MUC5AC: variants seen among roughly 807,000 people sequenced by gnomAD.
MUC5AC encodes the protein mucin-5AC.
Under a neutral mutation model 169.7 loss-of-function variants are expected in MUC5AC, and 158 were observed. The ratio of observed to expected loss-of-function variants is 0.93; its 90% CI spans 0.82 to 1.06. The LOEUF (loss-of-function observed/expected upper bound fraction) is 1.06. Ranked by LOEUF, MUC5AC falls within the 50% of genes least tolerant of loss-of-function variation. The pLI, the probability that MUC5AC is intolerant of heterozygous loss-of-function variation, is 0.00. For missense variants in MUC5AC, 4,359 were observed against 3,089.9 expected, an observed-to-expected ratio of 1.41 and a Z score of -9.74; for synonymous variants, 1,975 against 1,237.0, an observed-to-expected ratio of 1.60 and a Z score of -12.52.
chr11:1,161,953 C>G lies in MUC5AC; in HGVS notation c.258C>G (p.Ser86Arg). ...HNGRVCSTWG[S>R]FHYKTFDGDV... ...GGCGGGTGTGCAGCACCTGGGGCAG[C>G]TTCCACTACAAGACCTTCGACGGCG... The change falls in exon 4 of 49, where the codon AGC (serine) becomes AGG (arginine). Residue 86 changes from serine (S) to arginine (R), a missense_variant. Coordinates refer to ENST00000621226, the MANE Select transcript of MUC5AC (RefSeq NM_001304359.2). 6.2e-7 allele frequency: 1 copy of G among 1,612,240 alleles called. No homozygotes were observed. Among genetic ancestry groups the G allele is most frequent in the Non-Finnish European group, 8.5e-7 (1 of 1,179,698 alleles).
At chr11:1,195,446 G>A (rs1412627571) in intron 36 of MUC5AC, among the ~76,000 whole-genome samples, 167 bp downstream of exon 36, 1 of 151,762 alleles carries the variant, frequency 6.6e-6, no homozygotes, top group Non-Finnish European at 1.5e-5. Flanking sequence ...AGTGGGTGCC[G>A]GGGAGGGGTG....
rs1165171410 is a variant in MUC5AC, at chr11:1,191,280, C to T, written c.13135C>T (p.Pro4379Ser). ...TTSGPGTTPS[P>S]VPTTSTTSAP... ...CTCTGGTCCTGGAACTACTCCCAGC[C>T]CTGTTCCCACCACCAGCACAACCTC... The change falls in exon 31 of 49, where the codon CCT becomes TCT. Residue 4379 changes from proline to serine, a missense_variant. Coordinates refer to ENST00000621226, the MANE Select transcript of MUC5AC (RefSeq NM_001304359.2). The T allele has an allele frequency of 2.7e-5, 20 of 742,544 alleles. No homozygotes were observed. The highest frequency in any genetic ancestry group is 4.4e-5 in the Non-Finnish European group (18 of 408,432). 46.0% of individuals were successfully genotyped at this position (742,544 alleles called of 1,614,324 possible). A position where few individuals can be genotyped will look rare whatever the true frequency, so the allele number is the denominator to read the frequency against.
Position 1,182,287 on chromosome 11 carries a change from C to T in MUC5AC, c.4142C>T (p.Pro1381Leu), listed in dbSNP as rs995968645. The change falls in exon 31 of 49, where the codon CCG (proline) becomes CTG (leucine). Residue 1381 changes from proline to leucine, a missense_variant. Transcript: ENST00000621226. ...RLPTASASLP[P>L]VCGEKCLWSP... ...CCCACAGCCTCTGCCTCACTGCCGC[C>T]GGTCTGTGGGGAAAAGTGCCTGTGG... 196 of 398,552 alleles carry T rather than the reference C, an allele frequency of 4.9e-4. 1 individual carries two copies. The highest frequency in any genetic ancestry group is 3.5e-3 in the African/African-American group (171 of 48,760). The allele number at this position is 398,552 out of a possible 1,614,324, so 24.7% of individuals were successfully genotyped here. A position where few individuals can be genotyped will look rare whatever the true frequency, so the allele number is the denominator to read the frequency against.
chr11:1,180,696 C>T (rs1860797039), intron 28 of MUC5AC, among the ~76,000 whole-genome samples, 180 bp downstream of exon 28: 1 of 152,160 alleles, frequency 6.6e-6, no homozygotes, highest in Admixed American at 6.5e-5. Context: ...GACCAGCACC[C>T]CCATGTCCTG....
chr11:1,174,451 T>C (rs1043623210), intron 16 of MUC5AC, 45 bp from the exon 17 acceptor site: 43 of 1,218,590 alleles, frequency 3.5e-5, no homozygotes, highest in Non-Finnish European at 4.9e-5. Context: ...GGCCACCAGG[T>C]GTGGGCTGGG....
Position 1,193,110 on chromosome 11 carries a change from G to A in MUC5AC, c.14580+128G>A, listed in dbSNP as rs914833953. ...TGGCGCTAGTGGAGGCAGCCCGGCC[G>A]TCAGGAGAGGGCCATGCTGTAGCCC... On this transcript the variant is annotated intron_variant, in intron 32 of 48. Transcript: ENST00000621226. 1.1e-4 allele frequency: 67 copies of A among 595,104 alleles called. 1 individual carries two copies. The highest frequency in any genetic ancestry group is 1.8e-4 in the Non-Finnish European group (61 of 331,814). The allele number at this position is 595,104 out of a possible 1,614,324, so 36.9% of individuals were successfully genotyped here.
chr11:1,193,863 C>T (rs572052616), intron 33 of MUC5AC, among the ~76,000 whole-genome samples: 10 of 152,360 alleles, frequency 6.6e-5, no homozygotes, highest in South Asian at 2.1e-4. Flanking sequence ...CTGTGAGCCT[C>T]GGAGCAGCCT....
intron 4 of MUC5AC, 145 bp from the exon 5 acceptor site, chr11:1,162,387 C>T (rs888951368): frequency 1.9e-6 from 2 of 1,035,792 alleles, no homozygotes; most frequent in South Asian, 1.6e-5. Context: ...CTCGTGACCC[C>T]CGAGCTCCAG....
Position 1,191,039 on chromosome 11 carries a change from C to T in MUC5AC, c.12894C>T (p.Ser4298=), listed in dbSNP as rs2133766481. The change falls in exon 31 of 49, where the codon AGC becomes AGT. Residue 4298 remains serine, a synonymous_variant. Transcript: ENST00000621226. ...CCTCTGGTCCTGGAACTACTCCCAG[C>T]CCTGTTCCCACCACCAGCACAACCT... ...SMTSGPGTTP[S]PVPTTSTTSA... 1 of 758,112 alleles carries T rather than the reference C, an allele frequency of 1.3e-6. No individual in the cohort carries two copies. Among genetic ancestry groups the T allele is most frequent in the Non-Finnish European group, 2.4e-6 (1 of 415,234 alleles). 47.0% of individuals were successfully genotyped at this position (758,112 alleles called of 1,614,324 possible).
intron 11 of MUC5AC, among the ~76,000 whole-genome samples, chr11:1,166,857 C>T (rs1860347575): frequency 2.4e-5 from 2 of 84,968 alleles, no homozygotes; most frequent in Non-Finnish European, 4.6e-5. Context: ...GACCCTGCAC[C>T]CAACACACAG....
In MUC5AC at chr11:1,195,862, C is replaced by T; in HGVS notation, c.15459-14C>T. The T allele has an allele frequency of 1.3e-6, 1 of 759,470 alleles. No individual in the cohort carries two copies. The highest frequency in any genetic ancestry group is 2.4e-6 in the Non-Finnish European group (1 of 414,186). 47.0% of individuals were successfully genotyped at this position (759,470 alleles called of 1,614,324 possible). ...GAGAGGCTGCACCCAGCACCCTGCC[C>T]ATCCCTCCCACAGGGTCTTTGAGCC... On this transcript the variant is annotated splice_polypyrimidine_tract_variant and intron_variant, in intron 36 of 48. Coordinates refer to ENST00000621226, the MANE Select transcript of MUC5AC (RefSeq NM_001304359.2).
At chr11:1,171,788 C>G (rs1283893612) in intron 15 of MUC5AC, among the ~76,000 whole-genome samples, 5 of 145,702 alleles carry the variant, frequency 3.4e-5, no homozygotes, top group African/African-American at 1.3e-4. Context: ...ACCCATTCAC[C>G]CACTCACCCA....
At position 1,198,864 on chromosome 11, in the gene MUC5AC, C is replaced by A. The variant is rs1468044071; in HGVS notation, c.16174-10C>A. 2.7e-6 allele frequency: 2 copies of A among 729,246 alleles called. No homozygotes were observed. The highest frequency in any genetic ancestry group is 3.7e-5 in the Admixed American group (2 of 53,458). 45.2% of individuals were successfully genotyped at this position (729,246 alleles called of 1,614,324 possible). ...AGCTCATGAGTGTCTGCTGCCCTGG[C>A]TCTCCCCAGCCCGGCGCCGTGGTCT... On this transcript the variant is annotated splice_polypyrimidine_tract_variant and intron_variant, in intron 43 of 48. Transcript: ENST00000621226.
At chr11:1,171,483 AC>A (rs1590139186) in intron 15 of MUC5AC, among the ~76,000 whole-genome samples, 5 of 133,074 alleles carry the variant, frequency 3.8e-5, no homozygotes, top group Non-Finnish European at 4.7e-5. Context: ...TCACCCACTC[AC>A]CCACTCACTC....
chr11:1,163,071 C>G, intron 6 of MUC5AC, 26 bp downstream of exon 6: 1 of 1,601,148 alleles, frequency 6.2e-7, no homozygotes, highest in South Asian at 1.1e-5. Flanking sequence ...GCCCTCAGCC[C>G]CTTCCTCAGT....
rs1338787333 is a variant in MUC5AC at position 1,186,948 on chromosome 11, G to A, written c.8803G>A (p.Val2935Ile). ...AGCTACTACAACCAGCACAATCTCTGTTCCTACAACCAGCACAACTTCTGT... is the reference window on the plus strand; with the variant it reads ...AGCTACTACAACCAGCACAATCTCTATTCCTACAACCAGCACAACTTCTGT... ...TSATTTSTISVPTTSTTSVPG... is the reference protein window; with the variant it reads ...TSATTTSTISIPTTSTTSVPG... The change falls in exon 31 of 49, where the codon GTT becomes ATT. Residue 2935 changes from valine (V) to isoleucine (I), a missense_variant. Coordinates refer to ENST00000621226, the MANE Select transcript of MUC5AC (RefSeq NM_001304359.2). 2 of 729,472 alleles carry A rather than the reference G, an allele frequency of 2.7e-6. No homozygotes were observed. The highest frequency in any genetic ancestry group is 2.5e-6 in the Non-Finnish European group (1 of 400,722). 45.2% of individuals were successfully genotyped at this position (729,472 alleles called of 1,614,324 possible).
Position 1,175,024 on chromosome 11 carries a change from G to T in MUC5AC, c.2235G>T (p.Lys745Asn), listed in dbSNP as rs878912893. The T allele has an allele frequency of 2.5e-6, 1 of 403,448 alleles. No individual in the cohort carries two copies. Among genetic ancestry groups the T allele is most frequent in the African/African-American group, 2.1e-5 (1 of 48,668 alleles). The allele number at this position is 403,448 out of a possible 1,614,324, so 25.0% of individuals were successfully genotyped here. Reference sequence around the variant, plus strand: ...CCGTGGATGGCTGCATCTGTCCCAAGGGCACCTTCCTGGACGACACGGGCA... The same window carrying T: ...CCGTGGATGGCTGCATCTGTCCCAATGGCACCTTCCTGGACGACACGGGCA... The part of the protein sequence containing the change: ...FIPVDGCICP[K>N]GTFLDDTGKC... Residue 745 changes from lysine (K) to asparagine (N), a missense_variant, in exon 18 of 49, where the codon AAG (lysine) becomes AAT (asparagine). Physicochemically the swap from Lys to Asn is moderately conservative, Grantham distance 94. Transcript: ENST00000621226.
Position 1,195,869 on chromosome 11 carries a change from C to CCCAA in MUC5AC, c.15459-4_15459-3insACCA. 1 of 757,646 alleles carries CCCAA rather than the reference C, an allele frequency of 1.3e-6. No individual in the cohort carries two copies. The highest frequency in any genetic ancestry group is 1.7e-5 in the Admixed American group (1 of 58,748). 46.9% of individuals were successfully genotyped at this position (757,646 alleles called of 1,614,324 possible). A position where few individuals can be genotyped will look rare whatever the true frequency, so the allele number is the denominator to read the frequency against. ...TGCACCCAGCACCCTGCCCATCCCTCCCACAGGGTCTTTGAGCCGTGCCAC... is the reference window on the plus strand; with the variant it reads ...TGCACCCAGCACCCTGCCCATCCCTCCCAACCACAGGGTCTTTGAGCCGTGCCAC... On this transcript the variant is annotated splice_region_variant and splice_polypyrimidine_tract_variant and intron_variant, in intron 36 of 48. Coordinates refer to ENST00000621226, the MANE Select transcript of MUC5AC (RefSeq NM_001304359.2).
Position 1,160,612 on chromosome 11 carries a change from G to T in MUC5AC, c.74G>T (p.Gly25Val). Residue 25 changes from glycine (G) to valine (V), a missense_variant and splice_region_variant, in exon 2 of 49, where the codon GGC becomes GTC. Transcript: ENST00000621226. ...CTCAGCCCCCCTCCTCTTTCTGCAG[G>T]CCATGCCCAGGATGGCTCCTCCGAA... ...ALALACTRHT[G>V]HAQDGSSESS... 1 of 1,607,258 alleles carries T rather than the reference G, an allele frequency of 6.2e-7. No homozygotes were observed. The highest frequency in any genetic ancestry group is 8.5e-7 in the Non-Finnish European group (1 of 1,179,078).
Sources: allele counts gnomAD v4.1 joint callset (sites outside exome capture counted in the v4.1 genomes callset), GRCh38; gene constraint gnomAD v4.1.1; transcripts MANE v1.5; gene names NCBI Gene and HGNC (gene_info 2026-07-23, HGNC 2026-07-21).